Variants in BCAS3 observed in about 807,000 individuals in gnomAD.
The protein encoded by BCAS3 is BCAS3 microtubule associated cell migration factor, also known as BCAS4/BCAS3 fusion.
In BCAS3, 53 loss-of-function variants were observed where a neutral mutation model predicts 116.1. The observed-to-expected ratio is 0.46, with a 90% CI of 0.37 to 0.57. The LOEUF is 0.57. BCAS3 is among the 20% of genes least tolerant of loss of function. The pLI is 0.00. For missense variants in BCAS3, 917 were observed against 1,165.4 expected, an observed-to-expected ratio of 0.79 and a Z score of 3.10; for synonymous variants, 391 against 408.2, an observed-to-expected ratio of 0.96 and a Z score of 0.51.
intron 22 of BCAS3, among the ~76,000 whole-genome samples, chr17:61,129,071 A>C (rs2076196952): frequency 6.6e-6 from 1 of 152,182 alleles, no homozygotes; most frequent in Non-Finnish European, 1.5e-5. Flanking sequence ...TGCTGTTTTG[A>C]TAGAGGATCA....
At position 61,130,506 on chromosome 17, in the gene BCAS3, C is replaced by T. The variant is rs1601469068; in HGVS notation, c.2425+45942C>T. Among the ~76,000 whole-genome samples, 3 of 152,264 alleles carry T rather than the reference C, an allele frequency of 2.0e-5. No individual in the cohort carries two copies. In the South Asian group the frequency reaches 6.2e-4, roughly 32 times the overall value. ...TAAGCCTCTCTAACCCTGCCACCTC[C>T]CCCAGTTTATGTTACGTAATATGGT... On this transcript the variant is annotated intron_variant, in intron 22 of 23. Coordinates refer to ENST00000407086, the MANE Select transcript of BCAS3 (RefSeq NM_017679.5). This position sits in a 1 kb window ranked among gnomAD's most constrained non-coding sequence, Gnocchi z 5.0.
chr17:61,123,943 G>T (rs899831162), intron 22 of BCAS3, among the ~76,000 whole-genome samples: 1 of 152,048 alleles, frequency 6.6e-6, no homozygotes, highest in African/African-American at 2.4e-5. Context: ...AATGAGTTTT[G>T]TTGCCATAGT....
Position 61,326,627 on chromosome 17 carries a change from G to A in BCAS3, c.2426-41700G>A, listed in dbSNP as rs1024395741. ...TGTTACGGAGTGGACATGGGTGGGT[G>A]GAGAGGAAGAGATGTTAAGGATGCT... On this transcript the variant is annotated intron_variant, in intron 22 of 23. Coordinates refer to ENST00000407086, the MANE Select transcript of BCAS3 (RefSeq NM_017679.5). This position sits in a 1 kb window ranked among gnomAD's most constrained non-coding sequence, Gnocchi z 5.3. Among the ~76,000 whole-genome samples the A allele has an allele frequency of 2.0e-5, 3 of 152,188 alleles. No individual in the cohort carries two copies. Among genetic ancestry groups the A allele is most frequent in the Admixed American group, 6.5e-5 (1 of 15,284 alleles).
At position 60,936,977 on chromosome 17, in the gene BCAS3, G is replaced by GT. The variant is rs757469326; in HGVS notation, c.1088-10237dup. ...GGTATTGCCTAGGTTTTCTTCTAGGGTTTTTATGGTTTTAGGTCTAACATG... is the reference window on the plus strand; with the variant it reads ...GGTATTGCCTAGGTTTTCTTCTAGGGTTTTTTATGGTTTTAGGTCTAACATG... On this transcript the variant is annotated intron_variant, in intron 13 of 23. Coordinates refer to ENST00000407086, the MANE Select transcript of BCAS3 (RefSeq NM_017679.5). Among the ~76,000 whole-genome samples the GT allele has an allele frequency of 5.9e-5, 9 of 152,030 alleles. No individual in the cohort carries two copies. The East Asian group carries it at 9.6e-4, about 16-fold the overall frequency.
At chr17:60,812,128 A>G (rs2144642322) in intron 7 of BCAS3, among the ~76,000 whole-genome samples, 1 of 152,282 alleles carries the variant, frequency 6.6e-6, no homozygotes, top group East Asian at 1.9e-4. Flanking sequence ...CTTGTTGTTA[A>G]GTTTTTGTCT....
intron 22 of BCAS3, among the ~76,000 whole-genome samples, chr17:61,257,062 G>A (rs922730269): frequency 2.0e-5 from 3 of 152,110 alleles, no homozygotes; most frequent in Middle Eastern, 3.4e-3. Flanking sequence ...CTTTGCGATC[G>A]GTGTTGTCAT....
chr17:60,918,478 G>A (rs2058890560), intron 12 of BCAS3, among the ~76,000 whole-genome samples: 1 of 152,138 alleles, frequency 6.6e-6, no homozygotes, highest in East Asian at 1.9e-4. Flanking sequence ...GTTTTTAAAT[G>A]TACCAGGTAT....
chr17:60,958,183 C>G (rs887946784), intron 14 of BCAS3, among the ~76,000 whole-genome samples: 1 of 152,100 alleles, frequency 6.6e-6, no homozygotes, highest in Non-Finnish European at 1.5e-5. Flanking sequence ...CATAGATTCT[C>G]AATACACTGG....
intron 13 of BCAS3, among the ~76,000 whole-genome samples, chr17:60,935,168 C>T (rs1034572485): frequency 3.3e-5 from 5 of 150,988 alleles, no homozygotes; most frequent in African/African-American, 2.4e-5. Context: ...TTAACATAGA[C>T]GAAATGAAAA....
intron 7 of BCAS3, among the ~76,000 whole-genome samples, chr17:60,844,172 G>A (rs1045269468): frequency 6.6e-6 from 1 of 152,020 alleles, no homozygotes; most frequent in Non-Finnish European, 1.5e-5. Flanking sequence ...GTTTCTTCAT[G>A]TTGCTCAGGC....
chr17:61,329,714 G>C (rs1035573600), intron 22 of BCAS3, among the ~76,000 whole-genome samples: 1 of 152,140 alleles, frequency 6.6e-6, no homozygotes, highest in Non-Finnish European at 1.5e-5. Flanking sequence ...GGCAGGAATG[G>C]TGACTGACTA....
At chr17:60,810,209 C>A in intron 7 of BCAS3, 1 of 435,628 alleles carries the variant, frequency 2.3e-6, no homozygotes, top group South Asian at 2.0e-5. Context: ...AACTACCAGT[C>A]TCTGGGCTCT....
At chr17:60,968,898 GT>G (rs1290129258) in intron 14 of BCAS3, among the ~76,000 whole-genome samples, 1 of 152,130 alleles carries the variant, frequency 6.6e-6, no homozygotes, top group Non-Finnish European at 1.5e-5. Context: ...CTTCCTGCCA[GT>G]TAAGGCAAGG....
At chr17:61,027,511 T>C in intron 16 of BCAS3, 1 of 374,988 alleles carries the variant, frequency 2.7e-6, no homozygotes, top group Non-Finnish European at 5.2e-6. Flanking sequence ...AATTCTTTCA[T>C]GTCAGTGCAC....
Position 61,324,531 on chromosome 17 carries a change from G to C in BCAS3, c.2426-43796G>C, listed in dbSNP as rs1356195140. Among the ~76,000 whole-genome samples the C allele has an allele frequency of 6.6e-6, 1 of 152,162 alleles. No homozygotes were observed. The highest frequency in any genetic ancestry group is 1.9e-4 in the East Asian group (1 of 5,194). On this transcript the variant is annotated intron_variant, in intron 22 of 23. Coordinates refer to ENST00000407086, the MANE Select transcript of BCAS3 (RefSeq NM_017679.5). This position sits in a 1 kb window ranked among gnomAD's most constrained non-coding sequence, Gnocchi z 4.6. ...CTATATATATCCTGACCCCGGGTTGGCTGTGTGTTAAAAAATCAAACTGAA... is the reference window on the plus strand; with the variant it reads ...CTATATATATCCTGACCCCGGGTTGCCTGTGTGTTAAAAAATCAAACTGAA...
Position 60,679,454 on chromosome 17 carries a change from T to C in BCAS3, c.-4T>C. The C allele has an allele frequency of 6.2e-7, 1 of 1,611,254 alleles. No individual in the cohort carries two copies. Among genetic ancestry groups the C allele is most frequent in the Non-Finnish European group, 8.5e-7 (1 of 1,177,738 alleles). The stretch of plus-strand genomic sequence containing the variant: ...TTTGTTTGTTTGTTCTGGAAACAGG[T>C]TTTATGAATGAAGCTATGGCTACAG... On this transcript the variant is annotated splice_region_variant and 5_prime_UTR_variant, in exon 2 of 24. Transcript: ENST00000407086.
Position 60,874,745 on chromosome 17 carries a change from A to G in BCAS3, c.661+7A>G. The G allele has an allele frequency of 1.2e-6, 2 of 1,600,602 alleles. No individual in the cohort carries two copies. Among genetic ancestry groups the G allele is most frequent in the Non-Finnish European group, 1.7e-6 (2 of 1,171,192 alleles). On this transcript the variant is annotated splice_region_variant and intron_variant, in intron 9 of 23. Transcript: ENST00000407086. ...AAGAAATTCTTTGTTACAAGTATGT[A>G]CCAATTTTTTTTCCCTTCTTATGCC...
Position 60,902,684 on chromosome 17 carries a change from C to CAGTCATTAGTGCTGCTAAAGTG in BCAS3, c.807_822+6dup. ...GACAACATTCAGTCTTATACTGCCA[C>CAGTCATTAGTGCTGCTAAAGTG]AGTCATTAGTGCTGCTAAAGTGAGT... On this transcript the variant is annotated frameshift_variant, in exon 11 of 24. Coordinates refer to ENST00000407086, the MANE Select transcript of BCAS3 (RefSeq NM_017679.5). LOFTEE classifies it high-confidence loss of function. 1 of 1,611,258 alleles carries CAGTCATTAGTGCTGCTAAAGTG rather than the reference C, an allele frequency of 6.2e-7. No homozygotes were observed. Among genetic ancestry groups the CAGTCATTAGTGCTGCTAAAGTG allele is most frequent in the Non-Finnish European group, 8.5e-7 (1 of 1,177,392 alleles).
chr17:60,988,760 T>A (rs949972705), intron 14 of BCAS3, among the ~76,000 whole-genome samples: 4 of 152,096 alleles, frequency 2.6e-5, no homozygotes, highest in Non-Finnish European at 5.9e-5. Context: ...TCATCTCTGA[T>A]TTTATTTGAG....
Sources: allele counts gnomAD v4.1 joint callset (sites outside exome capture counted in the v4.1 genomes callset), GRCh38; gene constraint gnomAD v4.1.1; non-coding constraint Gnocchi (gnomAD v3.1); transcripts MANE v1.5; gene names NCBI Gene and HGNC (gene_info 2026-07-23, HGNC 2026-07-21).